Variants in YBEY observed in about 807,000 individuals in gnomAD.
YBEY encodes the protein ybeY metalloendoribonuclease.
Under a neutral mutation model 13.5 loss-of-function variants are expected in YBEY, and 15 were observed. The ratio of observed to expected loss-of-function variants is 1.11; its 90% CI spans 0.75 to 1.72. The LOEUF is 1.72. Among genes scored for constraint, YBEY ranks in the 40% most tolerant of loss-of-function variants. YBEY has a pLI of 0.00. For missense variants in YBEY, 244 were observed against 208.4 expected, an observed-to-expected ratio of 1.17 and a Z score of -1.05; for synonymous variants, 101 against 83.1, an observed-to-expected ratio of 1.21 and a Z score of -1.17.
chr21:46,287,807 A>G (rs975179239), intron 2 of YBEY, among the ~76,000 whole-genome samples: 9 of 146,376 alleles, frequency 6.1e-5, no homozygotes, highest in African/African-American at 2.0e-4. Flanking sequence ...CCTGGCCAAC[A>G]TGGTGAAACC....
intron 3 of YBEY, chr21:46,291,980 C>CA (rs2081731325): frequency 2.3e-6 from 1 of 439,378 alleles, no homozygotes; most frequent in African/African-American, 2.1e-5. Flanking sequence ...CCAGAGAACT[C>CA]AGAGGCTACA....
downstream of YBEY, chr21:46,302,725 G>A (rs2082170776): frequency 1.6e-6 from 1 of 635,516 alleles, no homozygotes; most frequent in African/African-American, 1.9e-5. Context: ...CACACGGTGC[G>A]GGTCCCCGGG....
At chr21:46,295,197 G>A (rs1024819548) in intron 3 of YBEY, among the ~76,000 whole-genome samples, 5 of 152,066 alleles carry the variant, frequency 3.3e-5, no homozygotes, top group Non-Finnish European at 7.4e-5. Context: ...TCTCCTTGGG[G>A]CTCCCTATTA....
chr21:46,294,585 CGGTT>C (rs2081880275), intron 3 of YBEY, among the ~76,000 whole-genome samples: 1 of 78,270 alleles, frequency 1.3e-5, no homozygotes, highest in South Asian at 4.9e-4. Flanking sequence ...ATTCCTCCCG[CGGTT>C]AGCCTGACCC....
At chr21:46,304,063 G>A in the YBEY span, among the ~76,000 whole-genome samples, 12 of 101,024 alleles carry the variant, frequency 1.2e-4, no homozygotes, top group African/African-American at 4.8e-4. Flanking sequence ...GTCTCACTGT[G>A]TCACCCAGGC....
chr21:46,288,604 G>A (rs62226478), intron 2 of YBEY, among the ~76,000 whole-genome samples: 62,045 of 151,718 alleles, frequency 0.41, 13,233 homozygotes, highest in Admixed American at 0.48. Flanking sequence ...TCTTGAACCA[G>A]GAAGTCGGAG....
At chr21:46,302,715 C>A, downstream of YBEY, 1 of 688,610 alleles carries the variant, frequency 1.5e-6, no homozygotes, top group Non-Finnish European at 2.5e-6. Flanking sequence ...AGTCCGTCTG[C>A]ACACGGTGCG....
At chr21:46,301,856 G>T, downstream of YBEY, 1 of 1,274,028 alleles carries the variant, frequency 7.8e-7, no homozygotes, top group Non-Finnish European at 9.9e-7. Context: ...TCCCCAGGAG[G>T]AGCCTGCAGT....
the YBEY span, among the ~76,000 whole-genome samples, chr21:46,307,224 C>G: frequency 7.2e-5 from 11 of 152,166 alleles, no homozygotes; most frequent in Non-Finnish European, 1.3e-4. Context: ...GTTGCCCAGG[C>G]TGGTCTCAAG....
At chr21:46,310,517 T>C in the YBEY span, among the ~76,000 whole-genome samples, 1 of 147,858 alleles carries the variant, frequency 6.8e-6, no homozygotes, top group African/African-American at 2.5e-5. Context: ...AAACAAAACT[T>C]GTCAAATTGG....
chr21:46,297,783 T>C, downstream of YBEY: 1 of 1,231,340 alleles, frequency 8.1e-7, no homozygotes, highest in South Asian at 4.1e-5. Context: ...TTATTGTAAA[T>C]AAAACGGTTC....
Position 46,296,230 on chromosome 21 carries a change from G to C in YBEY, c.408G>C (p.Gln136His). The C allele has an allele frequency of 1.2e-6, 2 of 1,613,528 alleles. No individual in the cohort carries two copies. Among genetic ancestry groups the C allele is most frequent in the Non-Finnish European group, 1.7e-6 (2 of 1,180,008 alleles). Residue 136 changes from glutamine to histidine, a missense_variant and splice_region_variant, in exon 4 of 5, where the codon CAG (glutamine) becomes CAC (histidine). Physicochemically the swap from Gln to His is conservative, Grantham distance 24. Coordinates refer to ENST00000397701, the MANE Select transcript of YBEY (RefSeq NM_001314025.2). ...FTHGTEAEWQ[Q>H]MFQKEKAVLD... is the part of the protein sequence containing the mutation. ...ACGGCACGGAGGCAGAGTGGCAGCAGGTAAGGAGCCCATCCATCCCACTAC... is the reference window on the plus strand; with the variant it reads ...ACGGCACGGAGGCAGAGTGGCAGCACGTAAGGAGCCCATCCATCCCACTAC...
intron 2 of YBEY, 72 bp from the exon 3 acceptor site, chr21:46,291,262 A>G: frequency 6.3e-7 from 1 of 1,584,722 alleles, no homozygotes; most frequent in South Asian, 1.1e-5. Context: ...GGGATTAACC[A>G]GGATGAAACC....
chr21:46,306,382 C>A, the YBEY span, among the ~76,000 whole-genome samples: 1 of 151,984 alleles, frequency 6.6e-6, no homozygotes, highest in Non-Finnish European at 1.5e-5. Flanking sequence ...GCCTGTAGTC[C>A]CAGCTACTTG....
Position 46,297,155 on chromosome 21 carries a change from C to T in YBEY, c.409-384C>T, listed in dbSNP as rs1288841513. On this transcript the variant is annotated intron_variant, in intron 4 of 4. Coordinates refer to ENST00000397701, the MANE Select transcript of YBEY (RefSeq NM_001314025.2). ...CTCTACTAAAAACGCAAAGATTAGC[C>T]GGGCGTGGTGGTGGGCGCCTGTAAT... Among the ~76,000 whole-genome samples, 4 of 150,532 alleles carry T rather than the reference C, an allele frequency of 2.7e-5. No homozygotes were observed. The South Asian group carries it at 6.3e-4, about 24-fold the overall frequency.
At chr21:46,307,455 C>T in the YBEY span, among the ~76,000 whole-genome samples, 1 of 152,330 alleles carries the variant, frequency 6.6e-6, no homozygotes, top group African/African-American at 2.4e-5. Flanking sequence ...CACCCACACA[C>T]ACACCCCTAC....
intron 2 of YBEY, among the ~76,000 whole-genome samples, chr21:46,288,229 C>T (rs2081545732): frequency 6.6e-6 from 1 of 152,166 alleles, no homozygotes; most frequent in Admixed American, 6.5e-5. Context: ...AATGTAATAG[C>T]AGTCAGGTTA....
At chr21:46,294,934 G>T (rs12626873) in intron 3 of YBEY, among the ~76,000 whole-genome samples, 46,648 of 151,996 alleles carry the variant, frequency 0.31, 7,713 homozygotes, top group Admixed American at 0.4. Context: ...AGGATGGGAC[G>T]GCCACACAGG....
chr21:46,297,025 G>A (rs1160603271), intron 4 of YBEY, among the ~76,000 whole-genome samples: 2 of 151,896 alleles, frequency 1.3e-5, no homozygotes, highest in Admixed American at 6.6e-5. Context: ...TTGGCCAGGC[G>A]CAGTGGCTCA....
Sources: gnomAD v4.1 joint callset for allele counts (sites outside exome capture counted in the v4.1 genomes callset) on GRCh38, gnomAD v4.1.1 for gene constraint, MANE v1.5 for transcripts, NCBI Gene and HGNC (gene_info 2026-07-23, HGNC 2026-07-21) for gene names.